The following PDZD2 variants were observed in gnomAD, a reference collection of about 807,000 sequenced individuals.
PDZD2 encodes PDZ domain containing 2, also known as PDZ domain-containing protein 2.
PDZD2 carries 90 observed loss-of-function variants against 220.7 expected under a neutral mutation model. The ratio of observed to expected loss-of-function variants is 0.41; its 90% CI spans 0.34 to 0.49. The LOEUF (loss-of-function observed/expected upper bound fraction) is 0.49, where lower values mean the gene tolerates loss of function less well. PDZD2 is among the 20% of genes least tolerant of loss of function. The probability of loss-of-function intolerance (pLI) is 0.28; values close to 1 mark genes in which losing one functional copy is unlikely to be tolerated. For missense variants in PDZD2, 3,174 were observed against 3,608.5 expected (o/e 0.88, Z 3.08); for synonymous variants, 1,375 against 1,450.5 (o/e 0.95, Z 1.18).
chr5:31,991,998 A>T (rs1751253508), intron 3 of PDZD2, among the ~76,000 whole-genome samples: 1 of 152,202 alleles, frequency 6.6e-6, no homozygotes, highest in Non-Finnish European at 1.5e-5. Context: ...GTGCCATTGC[A>T]CTTCAGCCTA....
intron 2 of PDZD2, among the ~76,000 whole-genome samples, chr5:31,904,796 T>G (rs1045652193): frequency 6.6e-6 from 1 of 152,114 alleles, no homozygotes; most frequent in African/African-American, 2.4e-5. Context: ...ATTGGAAAGG[T>G]ACAGATACAG....
intron 1 of PDZD2, among the ~76,000 whole-genome samples, chr5:31,781,213 A>G (rs1753044819): frequency 6.6e-6 from 1 of 152,226 alleles, no homozygotes; most frequent in Non-Finnish European, 1.5e-5. Flanking sequence ...CAGGAGTTCA[A>G]GGCCAGCCTG....
intron 2 of PDZD2, among the ~76,000 whole-genome samples, chr5:31,941,102 G>A (rs943800662): frequency 6.6e-6 from 1 of 152,190 alleles, no homozygotes; most frequent in Non-Finnish European, 1.5e-5. Flanking sequence ...ACAAATCCCA[G>A]AATTCATCAT....
rs1024765597 is a variant in PDZD2 at position 31,855,020 on chromosome 5, G to A, written c.476+55296G>A. The A allele has an allele frequency of 5.1e-6, 5 of 985,274 alleles. No homozygotes were observed. In the African/African-American group the frequency reaches 5.2e-5, roughly 10 times the overall value. 61.0% of individuals were successfully genotyped at this position (985,274 alleles called of 1,614,324 possible). A position where few individuals can be genotyped will look rare whatever the true frequency, so the allele number is the denominator to read the frequency against. ...CAGCTGGCAGCCGCCCCAGGCCCCCGGGCCGCCTGCAGGTGATTAGGCTAA... is the reference window on the plus strand; with the variant it reads ...CAGCTGGCAGCCGCCCCAGGCCCCCAGGCCGCCTGCAGGTGATTAGGCTAA... On this transcript the variant is annotated intron_variant, in intron 2 of 24. Coordinates refer to ENST00000438447, the MANE Select transcript of PDZD2 (RefSeq NM_178140.4).
chr5:31,945,862 CT>C (rs1746587469), intron 2 of PDZD2, among the ~76,000 whole-genome samples: 1 of 152,120 alleles, frequency 6.6e-6, no homozygotes, highest in Admixed American at 6.6e-5. Flanking sequence ...CCTACTCTTC[CT>C]TTTTTCCTCT....
intron 21 of PDZD2, among the ~76,000 whole-genome samples, chr5:32,093,823 C>T (rs997952871): frequency 6.6e-6 from 1 of 151,964 alleles, no homozygotes; most frequent in Non-Finnish European, 1.5e-5. Context: ...ACTAAAAATA[C>T]AAAAATTAGC....
Position 32,087,061 on chromosome 5 carries a change from T to A in PDZD2, c.3683-70T>A. 1.3e-6 allele frequency: 1 copy of A among 790,446 alleles called. No individual in the cohort carries two copies. Among genetic ancestry groups the A allele is most frequent in the East Asian group, 2.5e-5 (1 of 39,422 alleles). 49.0% of individuals were successfully genotyped at this position (790,446 alleles called of 1,614,324 possible). A position where few individuals can be genotyped will look rare whatever the true frequency, so the allele number is the denominator to read the frequency against. ...TTTAATAATTGAGGGGCTGCTTTCTTATATTATCCCTTTTATCTCCCCTAC... is the reference window on the plus strand; with the variant it reads ...TTTAATAATTGAGGGGCTGCTTTCTAATATTATCCCTTTTATCTCCCCTAC... On this transcript the variant is annotated intron_variant, in intron 19 of 24. Coordinates refer to ENST00000438447, the MANE Select transcript of PDZD2 (RefSeq NM_178140.4). This position sits in a 1 kb window ranked among gnomAD's most constrained non-coding sequence, Gnocchi z 4.0.
chr5:32,047,642 A>G (rs1738108852), intron 7 of PDZD2, among the ~76,000 whole-genome samples: 2 of 152,268 alleles, frequency 1.3e-5, no homozygotes. Context: ...TGAACATACC[A>G]AAAAGTGTTG....
intron 24 of PDZD2, among the ~76,000 whole-genome samples, chr5:32,106,841 T>G (rs946645536): frequency 2.6e-5 from 4 of 152,344 alleles, no homozygotes; most frequent in Middle Eastern, 3.4e-3. Context: ...AGGGACCAAA[T>G]CATTTTCCTG....
chr5:31,900,194 C>G (rs555284600), intron 2 of PDZD2, among the ~76,000 whole-genome samples: 1 of 152,308 alleles, frequency 6.6e-6, no homozygotes, highest in East Asian at 1.9e-4. Context: ...CCTCTGGTTC[C>G]TTCTCTCAGT....
intron 1 of PDZD2, among the ~76,000 whole-genome samples, chr5:31,653,480 G>A (rs1317043202): frequency 6.6e-6 from 1 of 152,202 alleles, no homozygotes; most frequent in Admixed American, 6.5e-5. Context: ...GTCTGAAATA[G>A]TCCTGTCCTT....
intron 2 of PDZD2, among the ~76,000 whole-genome samples, chr5:31,803,898 G>A (rs558982856): frequency 6.6e-6 from 1 of 152,040 alleles, no homozygotes; most frequent in Non-Finnish European, 1.5e-5. Flanking sequence ...AATTAGCTGG[G>A]CATGGTGGTG....
At chr5:31,717,045 C>G (rs1019856142) in intron 1 of PDZD2, among the ~76,000 whole-genome samples, 2 of 152,088 alleles carry the variant, frequency 1.3e-5, no homozygotes, top group African/African-American at 4.8e-5. Context: ...TAAGAATTGG[C>G]TAGCTCTAGA....
intron 8 of PDZD2, among the ~76,000 whole-genome samples, chr5:32,050,492 A>G (rs1738428119): frequency 6.6e-6 from 1 of 151,478 alleles, no homozygotes; most frequent in South Asian, 2.1e-4. Context: ...TTCTCCCAGG[A>G]TTCATCTTTC....
intron 1 of PDZD2, among the ~76,000 whole-genome samples, chr5:31,772,527 T>G (rs1218564458): frequency 1.3e-5 from 2 of 152,338 alleles, no homozygotes; most frequent in African/African-American, 4.8e-5. Context: ...GAGAAAATTC[T>G]TTGAGTGCTA....
In PDZD2 at chr5:32,084,228, T is replaced by G. The variant is rs115532255; in HGVS notation, c.3683-2903T>G. Among the ~76,000 whole-genome samples the G allele has an allele frequency of 3.1e-3, 466 of 152,306 alleles. 4 individuals are homozygous for G. The highest frequency in any genetic ancestry group is 0.011 in the African/African-American group (439 of 41,574). On this transcript the variant is annotated intron_variant, in intron 19 of 24. Transcript: ENST00000438447. ...ACGGTCTCCATGGGGATCTCGACGA[T>G]CCAACCTTTTGATTGCCAAGGGCTC...
At chr5:32,024,697 AG>A (rs1259616591) in intron 6 of PDZD2, among the ~76,000 whole-genome samples, 76 of 104,498 alleles carry the variant, frequency 7.3e-4, no homozygotes, top group Non-Finnish European at 1.2e-3. Flanking sequence ...AAAAAAAGAA[AG>A]AAAAAAAAGA....
chr5:31,698,073 T>A (rs576352079), intron 1 of PDZD2, among the ~76,000 whole-genome samples: 31 of 149,766 alleles, frequency 2.1e-4, no homozygotes, highest in Admixed American at 6.0e-4. Context: ...CAGCTAATTT[T>A]TTTTTTGTAT....
At chr5:31,806,905 G>A (rs1754747854) in intron 2 of PDZD2, among the ~76,000 whole-genome samples, 1 of 149,528 alleles carries the variant, frequency 6.7e-6, no homozygotes, top group Admixed American at 6.6e-5. Context: ...ACGCATTTTT[G>A]CAGAATGTAA....
Sources: allele counts gnomAD v4.1 joint callset (sites outside exome capture counted in the v4.1 genomes callset), GRCh38; gene constraint gnomAD v4.1.1; non-coding constraint Gnocchi (gnomAD v3.1); transcripts MANE v1.5; gene names NCBI Gene and HGNC (gene_info 2026-07-23, HGNC 2026-07-21).